Variants in CSMD1 observed in about 807,000 individuals in gnomAD.
CSMD1 encodes the protein CUB and Sushi multiple domains 1, also known as CUB and sushi domain-containing protein 1.
CSMD1 carries 213 observed loss-of-function variants against 417.5 expected under a neutral mutation model. That is an observed-to-expected ratio of 0.51 (90% CI 0.46 to 0.57). The LOEUF (loss-of-function observed/expected upper bound fraction) is 0.57, where lower values mean the gene tolerates loss of function less well. CSMD1 is among the 20% of genes least tolerant of loss of function. The pLI, the probability that CSMD1 is intolerant of heterozygous loss-of-function variation, is 0.00. For synonymous variants in CSMD1, 2,862 were observed against 1,736.8 expected (o/e 1.65, Z -16.11); for missense variants, 6,923 against 4,529.7 (o/e 1.53, Z -15.17).
chr8:4,860,087 A>T (rs1381752569), intron 1 of CSMD1, among the ~76,000 whole-genome samples: 1 of 152,064 alleles, frequency 6.6e-6, no homozygotes, highest in African/African-American at 2.4e-5. Context: ...GCCATAAAAA[A>T]ATGATGAGTT....
At chr8:3,544,638 C>A (rs746105323) in intron 10 of CSMD1, among the ~76,000 whole-genome samples, 5 of 152,078 alleles carry the variant, frequency 3.3e-5, no homozygotes, top group Non-Finnish European at 7.4e-5. Flanking sequence ...ACGGACCGTC[C>A]AATCTGACAG....
intron 3 of CSMD1, among the ~76,000 whole-genome samples, chr8:4,099,772 C>T (rs765530703): frequency 6.6e-6 from 1 of 152,290 alleles, no homozygotes; most frequent in African/African-American, 2.4e-5. Context: ...AATCTCCCAG[C>T]CACTTCCCTT....
chr8:3,487,924 T>G lies in CSMD1; in HGVS notation c.1448+5699A>C, dbSNP rs181239488. Reference sequence around the variant, plus strand: ...ATTTTGATATTAATGGTTTTGTTTTTAAACTTGTTTGCATCCCATTAGAGA... The same window carrying G: ...ATTTTGATATTAATGGTTTTGTTTTGAAACTTGTTTGCATCCCATTAGAGA... On this transcript the variant is annotated intron_variant, in intron 11 of 69. Transcript: ENST00000635120. 1.2e-4 allele frequency among the ~76,000 whole-genome samples: 18 copies of G among 152,262 alleles called. No individual in the cohort carries two copies. The East Asian group carries it at 3.5e-3, about 29-fold the overall frequency.
At chr8:4,142,403 G>A (rs559766419) in intron 3 of CSMD1, among the ~76,000 whole-genome samples, 1 of 150,712 alleles carries the variant, frequency 6.6e-6, no homozygotes, top group Non-Finnish European at 1.5e-5. Flanking sequence ...GTTTTCTTTG[G>A]GTCAATATTT....
intron 3 of CSMD1, among the ~76,000 whole-genome samples, chr8:4,052,676 T>A (rs1318918917): frequency 2.0e-5 from 3 of 152,140 alleles, no homozygotes; most frequent in East Asian, 3.9e-4. Flanking sequence ...AATCATCCCA[T>A]AATAAGTAAG....
At chr8:4,216,003 G>A (rs931035205) in intron 3 of CSMD1, among the ~76,000 whole-genome samples, 1 of 152,100 alleles carries the variant, frequency 6.6e-6, no homozygotes, top group African/African-American at 2.4e-5. Flanking sequence ...GCCCATTTCA[G>A]CCACAAATAG....
chr8:4,641,572 A>C lies in CSMD1; in HGVS notation c.86-4014T>G, dbSNP rs182962016. ...AAGGATGGAAGAACAAGTGAAAATG[A>C]AGTAAGTTGTCCAAAGTCTTCTGGG... On this transcript the variant is annotated intron_variant, in intron 1 of 69. Transcript: ENST00000635120. 4.7e-3 allele frequency among the ~76,000 whole-genome samples: 718 copies of C among 152,304 alleles called. 3 individuals carry two copies. Among genetic ancestry groups the C allele is most frequent in the African/African-American group, 0.017 (691 of 41,558 alleles).
intron 3 of CSMD1, among the ~76,000 whole-genome samples, chr8:4,277,933 G>T (rs904478069): frequency 6.6e-6 from 1 of 151,822 alleles, no homozygotes; most frequent in African/African-American, 2.4e-5. Context: ...TATTTTTAGT[G>T]GAGACAGGAT....
chr8:3,630,468 A>G lies in CSMD1; in HGVS notation c.1010-13671T>C, dbSNP rs575750075. Among the ~76,000 whole-genome samples, 13 of 152,348 alleles carry G rather than the reference A, an allele frequency of 8.5e-5. No homozygotes were observed. In the South Asian group the frequency reaches 1.9e-3, roughly 22 times the overall value. ...AGAACAAGAAAGAAGAAAAGGAGAA[A>G]GCATGAAAGATGCTTAGATGAGAAG... On this transcript the variant is annotated intron_variant, in intron 7 of 69. Coordinates refer to ENST00000635120, the MANE Select transcript of CSMD1 (RefSeq NM_033225.6).
At chr8:4,295,374 C>T (rs1020149120) in intron 3 of CSMD1, among the ~76,000 whole-genome samples, 14 of 142,074 alleles carry the variant, frequency 9.9e-5, no homozygotes, top group African/African-American at 3.6e-4. Context: ...ATATATGTAT[C>T]TTATTATACA....
chr8:3,780,721 A>C (rs1355618306), intron 5 of CSMD1, among the ~76,000 whole-genome samples: 1 of 152,220 alleles, frequency 6.6e-6, no homozygotes, highest in African/African-American at 2.4e-5. Flanking sequence ...AAATGCACAG[A>C]TGCTTTCCAC....
At chr8:4,036,292 C>G (rs1049835529) in intron 3 of CSMD1, among the ~76,000 whole-genome samples, 1 of 152,018 alleles carries the variant, frequency 6.6e-6, no homozygotes, top group African/African-American at 2.4e-5. Flanking sequence ...TTGTTATGGT[C>G]AAGCCTCCCA....
chr8:4,039,584 A>G (rs557705311), intron 3 of CSMD1, among the ~76,000 whole-genome samples: 3 of 152,308 alleles, frequency 2.0e-5, no homozygotes, highest in African/African-American at 7.2e-5. Flanking sequence ...AATGCCTTCT[A>G]CTTTCAAAAA....
intron 2 of CSMD1, among the ~76,000 whole-genome samples, chr8:4,633,148 G>C (rs375665599): frequency 1.3e-5 from 2 of 152,154 alleles, no homozygotes; most frequent in East Asian, 3.9e-4. Context: ...TGAACGCTCA[G>C]GACAGCCTGT....
At chr8:4,424,795 T>G (rs2128942481) in intron 2 of CSMD1, among the ~76,000 whole-genome samples, 1 of 152,254 alleles carries the variant, frequency 6.6e-6, no homozygotes, top group South Asian at 2.1e-4. Context: ...GGTTGTGTAA[T>G]TATTATACCA....
intron 1 of CSMD1, among the ~76,000 whole-genome samples, chr8:4,761,102 A>T (rs1812012155): frequency 6.6e-6 from 1 of 152,154 alleles, no homozygotes; most frequent in Non-Finnish European, 1.5e-5. Flanking sequence ...ACTGCAGGTA[A>T]ATGTATTCAG....
intron 5 of CSMD1, among the ~76,000 whole-genome samples, chr8:3,924,609 C>T (rs7017117): frequency 0.3 from 45,877 of 151,790 alleles, 7,689 homozygotes; most frequent in South Asian, 0.43. Flanking sequence ...TCTTATATTT[C>T]ACTAATTCTA....
chr8:3,474,499 T>C (rs4875233), intron 11 of CSMD1, among the ~76,000 whole-genome samples: 4 of 152,018 alleles, frequency 2.6e-5, no homozygotes, highest in Non-Finnish European at 5.9e-5. Context: ...CAGTAATCTT[T>C]CTTGTCTTCA....
At chr8:3,867,982 C>A (rs1023265694) in intron 5 of CSMD1, among the ~76,000 whole-genome samples, 2 of 152,062 alleles carry the variant, frequency 1.3e-5, no homozygotes, top group Admixed American at 6.6e-5. Context: ...TGTGGGAGAC[C>A]CAAGATTCTC....
Sources: allele counts gnomAD v4.1 joint callset (sites outside exome capture counted in the v4.1 genomes callset), GRCh38; gene constraint gnomAD v4.1.1; transcripts MANE v1.5; gene names NCBI Gene and HGNC (gene_info 2026-07-23, HGNC 2026-07-21).